The following TET2 variants were observed in gnomAD, a reference collection of about 807,000 sequenced individuals.
TET2 encodes methylcytosine dioxygenase TET2.
TET2 carries 299 observed loss-of-function variants against 142.9 expected under a neutral mutation model. That is an observed-to-expected ratio of 2.09 (90% CI 1.90 to 2.30). The LOEUF is 2.30. TET2 is among the 30% of genes most tolerant of loss of function. TET2 has a pLI of 0.00. For missense variants in TET2, 2,418 were observed against 2,378.0 expected, an observed-to-expected ratio of 1.02 and a Z score of -0.35; for synonymous variants, 819 against 849.0, an observed-to-expected ratio of 0.96 and a Z score of 0.61.
chr4:105,227,252 C>G (rs1728244584), intron 2 of TET2, among the ~76,000 whole-genome samples: 1 of 152,178 alleles, frequency 6.6e-6, no homozygotes, highest in Non-Finnish European at 1.5e-5. Flanking sequence ...ATTAGTCACT[C>G]CAGGTTTTCC....
chr4:105,155,141 A>G (rs369723410), intron 1 of TET2, among the ~76,000 whole-genome samples: 4 of 152,356 alleles, frequency 2.6e-5, no homozygotes, highest in African/African-American at 9.6e-5. Flanking sequence ...TATCTATGTG[A>G]AAACAGAAGG....
chr4:105,252,073 G>C (rs944755455), intron 6 of TET2, among the ~76,000 whole-genome samples: 5 of 152,072 alleles, frequency 3.3e-5, no homozygotes, highest in African/African-American at 9.7e-5. Context: ...TTCACCTTTG[G>C]TGTTATGTAT....
intron 8 of TET2, among the ~76,000 whole-genome samples, chr4:105,267,059 G>T (rs1428334118): frequency 2.0e-5 from 3 of 151,720 alleles, no homozygotes; most frequent in Non-Finnish European, 2.9e-5. Context: ...TCAGAAAAAG[G>T]CAAGAGAGAA....
chr4:105,239,480 A>G (rs183534271), intron 3 of TET2: 11 of 240,022 alleles, frequency 4.6e-5, no homozygotes, highest in African/African-American at 2.4e-4. Context: ...CTTTTATGTT[A>G]TAGAGACAGC....
At chr4:105,145,877 ACAGAAGGT>A (rs909391735), upstream of TET2, 3 of 152,210 alleles carry the variant, frequency 2.0e-5, no homozygotes, top group African/African-American at 7.2e-5. Flanking sequence ...GCTAAAGTAA[ACAGAAGGT>A]GGGCCGGGGC....
At chr4:105,153,722 C>T (rs1723427019) in intron 1 of TET2, among the ~76,000 whole-genome samples, 1 of 152,176 alleles carries the variant, frequency 6.6e-6, no homozygotes, top group Non-Finnish European at 1.5e-5. Context: ...GTCTCTAGTG[C>T]CAAATCTTTT....
At chr4:105,213,210 T>C (rs1482400169) in intron 2 of TET2, among the ~76,000 whole-genome samples, 1 of 152,186 alleles carries the variant, frequency 6.6e-6, no homozygotes, top group African/African-American at 2.4e-5. Flanking sequence ...TTTCTAGGGC[T>C]GTAACTCAAT....
chr4:105,173,989 A>G (rs1402681518), intron 1 of TET2, among the ~76,000 whole-genome samples: 2 of 152,214 alleles, frequency 1.3e-5, no homozygotes, highest in South Asian at 2.1e-4. Flanking sequence ...GTAGGTAGCA[A>G]TGACTTCAAA....
chr4:105,251,909 A>G (rs1020486101), intron 6 of TET2, among the ~76,000 whole-genome samples: 2 of 152,230 alleles, frequency 1.3e-5, no homozygotes, highest in Admixed American at 6.5e-5. Flanking sequence ...GGGTAAAAGC[A>G]CATTGAATGA....
intron 1 of TET2, among the ~76,000 whole-genome samples, chr4:105,155,934 A>G (rs995698134): frequency 2.6e-5 from 4 of 152,204 alleles, no homozygotes; most frequent in African/African-American, 9.7e-5. Context: ...TGTTAGACCC[A>G]TTAAGAAGTT....
Position 105,234,061 on chromosome 4 carries a change from T to A in TET2, c.119T>A (p.Leu40Gln). 6.2e-7 allele frequency: 1 copy of A among 1,614,074 alleles called. No individual in the cohort carries two copies. Among genetic ancestry groups the A allele is most frequent in the Non-Finnish European group, 8.5e-7 (1 of 1,179,990 alleles). ...LATKLQNGSP[L>Q]PERAHPEVNG... is the part of the protein sequence containing the mutation. Reference sequence around the variant, plus strand: ...ACAAAGCTCCAGAATGGAAGCCCACTGCCTGAGAGAGCTCATCCAGAAGTA... The same window carrying A: ...ACAAAGCTCCAGAATGGAAGCCCACAGCCTGAGAGAGCTCATCCAGAAGTA... Residue 40 changes from leucine (L) to glutamine (Q), a missense_variant, in exon 3 of 11, where the codon CTG becomes CAG. Leu to Gln is a moderately radical substitution (Grantham distance 113). Coordinates refer to ENST00000380013, the MANE Select transcript of TET2 (RefSeq NM_001127208.3).
rs1728693166 is a variant in TET2, at chr4:105,234,288, C to T, written c.346C>T (p.Gln116Ter). 1.9e-6 allele frequency: 3 copies of T among 1,613,846 alleles called. No homozygotes were observed. Among genetic ancestry groups the T allele is most frequent in the African/African-American group, 1.3e-5 (1 of 74,880 alleles). Residue 116 changes from glutamine to a stop codon, truncating the protein, a stop_gained, in exon 3 of 11, where the codon CAA (glutamine) becomes TAA (stop). Transcript: ENST00000380013. LOFTEE classifies it high-confidence loss of function. ...LLQIKKLKQD[Q>*]KANGERRNFG... ...TCAGATCAAGAAATTGAAACAAGAC[C>T]AAAAGGCTAATGGAGAAAGACGTAA... is the stretch of plus-strand genomic sequence containing the variant.
Position 105,266,252 on chromosome 4 carries a change from T to C in TET2, c.4045-3358T>C, listed in dbSNP as rs190617939. The stretch of plus-strand genomic sequence containing the variant: ...TATTGCCTTGGTAGTAGAAGTAAAT[T>C]TGGCAGTTCTGACCTCATCTAAAAA... On this transcript the variant is annotated intron_variant, in intron 8 of 10. Coordinates refer to ENST00000380013, the MANE Select transcript of TET2 (RefSeq NM_001127208.3). 5.5e-3 allele frequency among the ~76,000 whole-genome samples: 829 copies of C among 152,094 alleles called. 2 individuals carry two copies. Among genetic ancestry groups the C allele is most frequent in the Non-Finnish European group, 9.9e-3 (672 of 67,976 alleles).
chr4:105,242,811 G>A (rs1376940320), intron 4 of TET2, 23 bp from the exon 5 acceptor site: 2 of 1,547,604 alleles, frequency 1.3e-6, no homozygotes, highest in Admixed American at 2.0e-5. Context: ...GTATGTGTGT[G>A]TGTTTCTGTG....
chr4:105,235,668 G>A lies in TET2; in HGVS notation c.1726G>A (p.Glu576Lys). The change falls in exon 3 of 11, where the codon GAA becomes AAA. Residue 576 changes from glutamate to lysine, a missense_variant. Physicochemically the swap from Glu to Lys is moderately conservative, Grantham distance 56 (BLOSUM62 1). Transcript: ENST00000380013. ...GAAGGCCCCTCGTTTTCACCAAGCG[G>A]AATCCCATCTAAAACGTAATGAGGC... The part of the protein sequence containing the change: ...ELKAPRFHQA[E>K]SHLKRNEASL... The A allele has an allele frequency of 3.7e-6, 6 of 1,614,118 alleles. No individual in the cohort carries two copies. The highest frequency in any genetic ancestry group is 5.1e-6 in the Non-Finnish European group (6 of 1,180,006).
chr4:105,204,826 G>T (rs1726721029), intron 2 of TET2, among the ~76,000 whole-genome samples: 1 of 152,000 alleles, frequency 6.6e-6, no homozygotes, highest in Non-Finnish European at 1.5e-5. Flanking sequence ...CACTAAGTTA[G>T]TGTATGTATT....
intron 2 of TET2, among the ~76,000 whole-genome samples, chr4:105,222,274 C>T (rs1225054377): frequency 6.6e-6 from 1 of 152,158 alleles, no homozygotes; most frequent in African/African-American, 2.4e-5. Context: ...GTTCTAGATC[C>T]CTGAGGAATC....
chr4:105,276,448 A>G lies in TET2; in HGVS notation c.5938A>G (p.Thr1980Ala). 3 of 1,551,810 alleles carry G rather than the reference A, an allele frequency of 1.9e-6. No individual in the cohort carries two copies. Among genetic ancestry groups the G allele is most frequent in the Non-Finnish European group, 1.7e-6 (2 of 1,147,008 alleles). Residue 1980 changes from threonine (T) to alanine (A), a missense_variant, in exon 11 of 11, where the codon ACA becomes GCA. Physicochemically the swap from Thr to Ala is moderately conservative, Grantham distance 58. Coordinates refer to ENST00000380013, the MANE Select transcript of TET2 (RefSeq NM_001127208.3). The part of the protein sequence containing the change: ...SLAERTMSVT[T>A]DSTVTTSPYA... The stretch of plus-strand genomic sequence containing the variant: ...TGCCGAAAGGACCATGTCCGTGACC[A>G]CAGACTCCACAGTAACTACATCTCC...
intron 2 of TET2, among the ~76,000 whole-genome samples, chr4:105,203,027 T>TAATCCAA: frequency 6.6e-6 from 1 of 152,200 alleles, no homozygotes; most frequent in East Asian, 1.9e-4. Context: ...CTGGAGTACT[T>TAATCCAA]GGATTTGTCT....
Sources: allele counts gnomAD v4.1 joint callset (sites outside exome capture counted in the v4.1 genomes callset), GRCh38; gene constraint gnomAD v4.1.1; transcripts MANE v1.5; gene names NCBI Gene and HGNC (gene_info 2026-07-23, HGNC 2026-07-21).